The following ERCC8 variants were observed in gnomAD, a reference collection of about 807,000 sequenced individuals.
ERCC8 encodes the protein ERCC excision repair 8, CSA ubiquitin ligase complex subunit.
A neutral mutation model predicts 54.9 loss-of-function variants in ERCC8; 52 were observed. The ratio of observed to expected loss-of-function variants is 0.95; its 90% confidence interval spans 0.76 to 1.19. ERCC8 has a LOEUF of 1.19. Ranked by LOEUF, ERCC8 falls within the 50% of genes most tolerant of loss-of-function variation. The pLI is 0.00. For missense variants in ERCC8, 514 were observed against 466.1 expected, an observed-to-expected ratio of 1.10 and a Z score of -0.95; for synonymous variants, 146 against 157.2, an observed-to-expected ratio of 0.93 and a Z score of 0.53.
At chr5:60,894,922 G>C (rs1040135723) in intron 9 of ERCC8, among the ~76,000 whole-genome samples, 2 of 152,134 alleles carry the variant, frequency 1.3e-5, no homozygotes, top group Non-Finnish European at 2.9e-5. Context: ...CGTAATCCCA[G>C]CAGTTTGGGA....
chr5:60,903,832 A>G, intron 5 of ERCC8, 116 bp from the exon 6 acceptor site: 1 of 965,352 alleles, frequency 1.0e-6, no homozygotes, highest in Non-Finnish European at 1.6e-6. Flanking sequence ...AAATATGAAG[A>G]TATATGCCAA....
At chr5:60,892,143 T>A in intron 9 of ERCC8, 1 of 510,474 alleles carries the variant, frequency 2.0e-6, no homozygotes, top group Non-Finnish European at 3.9e-6. Flanking sequence ...CCTTACTGTT[T>A]TTTTTTAGGG....
intron 1 of ERCC8, among the ~76,000 whole-genome samples, chr5:60,938,036 CATACATACATACATATATATATAT>C (rs1561518852): frequency 3.3e-4 from 5 of 14,992 alleles, no homozygotes; most frequent in South Asian, 3.6e-3. Flanking sequence ...TACATACATA[CATACATACATACATATATATATAT>C]ATATATATAT....
At chr5:60,913,075 A>G (rs2112508745) in intron 4 of ERCC8, among the ~76,000 whole-genome samples, 1 of 152,198 alleles carries the variant, frequency 6.6e-6, no homozygotes, top group Non-Finnish European at 1.5e-5. Context: ...TGTCTCTGCC[A>G]GGCTTTGTTA....
rs553379130 is a variant in ERCC8 at position 60,906,879 on chromosome 5, T to A, written c.400-2006A>T. 2.0e-5 allele frequency among the ~76,000 whole-genome samples: 3 copies of A among 152,290 alleles called. No individual in the cohort carries two copies. In the East Asian group the frequency reaches 5.8e-4, roughly 29 times the overall value. ...GAAGGCTAAAGGCAAGAGGGGGTGG[T>A]GGCTAGATCAGATCTCCCCTACTGC... On this transcript the variant is annotated intron_variant, in intron 4 of 11. Transcript: ENST00000676185.
intron 9 of ERCC8, among the ~76,000 whole-genome samples, chr5:60,897,005 C>T (rs1296325894): frequency 6.6e-6 from 1 of 152,200 alleles, no homozygotes; most frequent in Non-Finnish European, 1.5e-5. Context: ...CCCATATGAT[C>T]TGGCACCCTA....
At position 60,871,814 on chromosome 5, in the gene ERCC8, T is replaced by C. The variant is rs1268035966; in HGVS notation, c.*2801A>G. ...AATAGCTTTTCTTTTCTTTTTCTTT[T>C]GGGAGACACAAGGTCTCGCCATGTC... is the stretch of plus-strand genomic sequence containing the variant. On this transcript the variant is annotated 3_prime_UTR_variant, in exon 12 of 12. Transcript: ENST00000676185. 6.6e-6 allele frequency among the ~76,000 whole-genome samples: 1 copy of C among 152,208 alleles called. No individual in the cohort carries two copies. Among genetic ancestry groups the C allele is most frequent in the Non-Finnish European group, 1.5e-5 (1 of 68,034 alleles).
At chr5:60,938,090 A>T (rs371357663) in intron 1 of ERCC8, among the ~76,000 whole-genome samples, 5,427 of 20,788 alleles carry the variant, frequency 0.26, 424 homozygotes, top group African/African-American at 0.44. Flanking sequence ...TATATATTTT[A>T]TTTTTTTTTT....
At chr5:60,891,859 A>C (rs1464017860) in intron 9 of ERCC8, 1 of 417,624 alleles carries the variant, frequency 2.4e-6, no homozygotes, top group Non-Finnish European at 4.7e-6. Context: ...GGAGAACCAA[A>C]CTATTTCACT....
chr5:60,897,694 T>A (rs1210790032), intron 9 of ERCC8, among the ~76,000 whole-genome samples: 1 of 152,232 alleles, frequency 6.6e-6, no homozygotes, highest in Non-Finnish European at 1.5e-5. Context: ...ATTCTGGTAC[T>A]ATAAAATTCA....
At chr5:60,928,420 C>A (rs966548956) in intron 2 of ERCC8, among the ~76,000 whole-genome samples, 1 of 152,044 alleles carries the variant, frequency 6.6e-6, no homozygotes, top group East Asian at 1.9e-4. Context: ...ACTGATAATT[C>A]GAAAGGTTAG....
At chr5:60,927,403 C>A (rs1218382216) in intron 2 of ERCC8, among the ~76,000 whole-genome samples, 1 of 152,164 alleles carries the variant, frequency 6.6e-6, no homozygotes, top group Non-Finnish European at 1.5e-5. Context: ...CAAGTCTTAG[C>A]AAACAATGAA....
chr5:60,940,826 A>G (rs978345657), intron 1 of ERCC8, among the ~76,000 whole-genome samples: 22 of 152,246 alleles, frequency 1.4e-4, no homozygotes, highest in Non-Finnish European at 1.6e-4. Context: ...AAATATCAAC[A>G]TTCTTCATAG....
intron 7 of ERCC8, chr5:60,900,539 T>A (rs566991221): frequency 2.6e-5 from 4 of 152,158 alleles, no homozygotes; most frequent in South Asian, 4.1e-4. Context: ...TTTATTTAAT[T>A]TTTTTAAAAA....
At position 60,893,735 on chromosome 5, in the gene ERCC8, C is replaced by T. The variant is rs1354106679; in HGVS notation, c.844-2649G>A. ...GCCTGGCGGCGCCCGACTCCGCCCA[C>T]TGGGCAGTCTCCACGAGGGGGCGGG... On this transcript the variant is annotated intron_variant, in intron 9 of 11. Coordinates refer to ENST00000676185, the MANE Select transcript of ERCC8 (RefSeq NM_000082.4). 5.4e-5 allele frequency: 22 copies of T among 410,994 alleles called. No individual in the cohort carries two copies. In the East Asian group the frequency reaches 9.8e-4, roughly 18 times the overall value. The allele number at this position is 410,994 out of a possible 1,614,324, so 25.5% of individuals were successfully genotyped here.
At chr5:60,893,408 T>C (rs1748625696) in intron 9 of ERCC8, 1 of 892,588 alleles carries the variant, frequency 1.1e-6, no homozygotes, top group Admixed American at 1.7e-5. Flanking sequence ...CCTCATCTCC[T>C]CAACCCTCTT....
At chr5:60,882,992 CACACACACACACAT>C (rs1030265807) in intron 11 of ERCC8, among the ~76,000 whole-genome samples, 5 of 151,462 alleles carry the variant, frequency 3.3e-5, no homozygotes, top group Non-Finnish European at 7.4e-5. Context: ...CACACACACA[CACACACACACACAT>C]GTCTGTAGGT....
rs1048253423 is a variant in ERCC8, at chr5:60,868,798, C to T, written c.*5817G>A. ...ATGATTAAACTTCGTTAGTTTTCTT[C>T]CCTGAATTTAATACTTTTCCAGAAT... On this transcript the variant is annotated 3_prime_UTR_variant, in exon 12 of 12. Coordinates refer to ENST00000676185, the MANE Select transcript of ERCC8 (RefSeq NM_000082.4). Among the ~76,000 whole-genome samples the T allele has an allele frequency of 6.6e-6, 1 of 152,158 alleles. No homozygotes were observed. The highest frequency in any genetic ancestry group is 1.5e-5 in the Non-Finnish European group (1 of 68,012).
chr5:60,899,725 G>A lies in ERCC8; in HGVS notation c.620C>T (p.Ala207Val), dbSNP rs1200567303. ...ATCCCATAATTTTACTCTACTGTCA[G>A]CACTGAGAAGAAATAAATGTTACAT... ...RYDYILATASADSRVKLWDVR... is the reference protein window; with the variant it reads ...RYDYILATASVDSRVKLWDVR... The change falls in exon 8 of 12, where the codon GCT becomes GTT. Residue 207 changes from alanine (A) to valine (V), a missense_variant and splice_region_variant. Coordinates refer to ENST00000676185, the MANE Select transcript of ERCC8 (RefSeq NM_000082.4). The A allele has an allele frequency of 6.2e-7, 1 of 1,603,084 alleles. No individual in the cohort carries two copies. Among genetic ancestry groups the A allele is most frequent in the East Asian group, 2.2e-5 (1 of 44,714 alleles).
Sources: gnomAD v4.1 joint callset for allele counts (sites outside exome capture counted in the v4.1 genomes callset) on GRCh38, gnomAD v4.1.1 for gene constraint, MANE v1.5 for transcripts, NCBI Gene and HGNC (gene_info 2026-07-23, HGNC 2026-07-21) for gene names.